Variants in TIGD6 observed in about 807,000 individuals in gnomAD.
The protein encoded by TIGD6 is tigger transposable element-derived protein 6.
Under a neutral mutation model 2.6 loss-of-function variants are expected in TIGD6, and 1 was observed. The ratio of observed to expected loss-of-function variants is 0.39; its 90% confidence interval spans 0.14 to 1.85. The LOEUF (loss-of-function observed/expected upper bound fraction) is 1.85, where lower values mean the gene tolerates loss of function less well. Among genes scored for constraint, TIGD6 ranks in the 40% most tolerant of loss-of-function variants. TIGD6 has a pLI of 0.32. For missense variants in TIGD6, 601 were observed against 634.2 expected, an observed-to-expected ratio of 0.95 and a Z score of 0.56; for synonymous variants, 193 against 221.9, an observed-to-expected ratio of 0.87 and a Z score of 1.16.
intron 1 of TIGD6, among the ~76,000 whole-genome samples, chr5:149,997,419 T>C (rs1297229062): frequency 6.6e-6 from 1 of 151,796 alleles, no homozygotes; most frequent in African/African-American, 2.4e-5. Context: ...GTGCCTGTAA[T>C]CCCAGCTACT....
chr5:149,996,897 T>C (rs959605344), intron 1 of TIGD6, among the ~76,000 whole-genome samples: 5 of 152,220 alleles, frequency 3.3e-5, no homozygotes, highest in Non-Finnish European at 7.3e-5. Flanking sequence ...CAAAGTGAGA[T>C]CTTCAAAGCT....
rs1755389849 is a variant in TIGD6, at chr5:149,996,340, G to A, written c.9C>T (p.Asn3=). The A allele has an allele frequency of 6.2e-7, 1 of 1,603,048 alleles. No individual in the cohort carries two copies. Among genetic ancestry groups the A allele is most frequent in the African/African-American group, 1.3e-5 (1 of 74,438 alleles). MA[N]KGNKKRRQFS... Reference sequence around the variant, plus strand: ...ACTGCCGACGCTTCTTGTTCCCCTTGTTTGCCATTTCCAGGGAATGAGGGC... The same window carrying A: ...ACTGCCGACGCTTCTTGTTCCCCTTATTTGCCATTTCCAGGGAATGAGGGC... The change falls in exon 2 of 2, where the codon AAC becomes AAT. Residue 3 remains asparagine (N), a synonymous_variant. Transcript: ENST00000296736.
chr5:149,995,156 A>T lies in TIGD6; in HGVS notation c.1193T>A (p.Ile398Asn), dbSNP rs749000699. Residue 398 changes from isoleucine to asparagine, a missense_variant, in exon 2 of 2, where the codon ATT (isoleucine) becomes AAT (asparagine). Ile to Asn is a moderately radical substitution (Grantham distance 149). Transcript: ENST00000296736. ...ESAASEPDIA[I>N]EKLWHTVAIA... is the part of the protein sequence containing the mutation. ...AGCCACTGTGTGCCACAACTTTTCA[A>T]TGGCAATGTCTGGTTCACTGGCTGC... 6.2e-7 allele frequency: 1 copy of T among 1,614,234 alleles called. No individual in the cohort carries two copies. The highest frequency in any genetic ancestry group is 8.5e-7 in the Non-Finnish European group (1 of 1,180,042).
At position 149,996,084 on chromosome 5, in the gene TIGD6, T is replaced by G; in HGVS notation, c.265A>C (p.Ile89Leu). 3.7e-6 allele frequency: 6 copies of G among 1,614,046 alleles called. No homozygotes were observed. The highest frequency in any genetic ancestry group is 5.1e-6 in the Non-Finnish European group (6 of 1,180,030). The change falls in exon 2 of 2, where the codon ATC becomes CTC. Residue 89 changes from isoleucine (I) to leucine (L), a missense_variant. Transcript: ENST00000296736. ...GTCACAAGAATGTTTTTGGCATGGATTTCTTGAAACCAAGCAAAAACAGCC... is the reference window on the plus strand; with the variant it reads ...GTCACAAGAATGTTTTTGGCATGGAGTTCTTGAAACCAAGCAAAAACAGCC... ...DKAVFAWFQE[I>L]HAKNILVTGS...
Position 149,996,735 on chromosome 5 carries a change from T to C in TIGD6, c.-81-306A>G, listed in dbSNP as rs57043295. On this transcript the variant is annotated intron_variant, in intron 1 of 1. Coordinates refer to ENST00000296736, the MANE Select transcript of TIGD6 (RefSeq NM_030953.4). The stretch of plus-strand genomic sequence containing the variant: ...CAGTGAAAGAGCTTGGCAAATAGCA[T>C]TGCACTGTATACATTCCGAGTTATT... 2.6e-3 allele frequency among the ~76,000 whole-genome samples: 390 copies of C among 152,368 alleles called. 1 individual carries two copies. The highest frequency in any genetic ancestry group is 8.7e-3 in the African/African-American group (363 of 41,594).
At position 149,996,837 on chromosome 5, in the gene TIGD6, T is replaced by G. The variant is rs61056865; in HGVS notation, c.-81-408A>C. The stretch of plus-strand genomic sequence containing the variant: ...CCGGGTTCATGCAGCTTAGATTTCT[T>G]AACTCAGATTACTATTTCTGCCAGG... On this transcript the variant is annotated intron_variant, in intron 1 of 1. Transcript: ENST00000296736. Among the ~76,000 whole-genome samples the G allele has an allele frequency of 2.2e-3, 334 of 152,360 alleles. 1 individual carries two copies. Among genetic ancestry groups the G allele is most frequent in the African/African-American group, 7.8e-3 (323 of 41,574 alleles).
rs1755306415 is a variant in TIGD6 at position 149,993,431 on chromosome 5, A to G, written c.*1352T>C. On this transcript the variant is annotated 3_prime_UTR_variant, in exon 2 of 2. Coordinates refer to ENST00000296736, the MANE Select transcript of TIGD6 (RefSeq NM_030953.4). ...GACATTTATCTGACTTATTAGGAAT[A>G]AATACTCTCTAATGAACTCTCTAAT... 1 of 152,240 alleles carries G rather than the reference A, an allele frequency of 6.6e-6. No individual in the cohort carries two copies. Among genetic ancestry groups the G allele is most frequent in the Non-Finnish European group, 1.5e-5 (1 of 68,054 alleles). The allele number at this position is 152,240 out of a possible 1,614,324, so 9.4% of individuals were successfully genotyped here.
intron 1 of TIGD6, among the ~76,000 whole-genome samples, chr5:149,997,390 T>C (rs530337115): frequency 1.3e-5 from 2 of 151,686 alleles, no homozygotes; most frequent in Admixed American, 6.6e-5. Flanking sequence ...ATACAAAAAT[T>C]AGCCGGGCGT....
Position 149,995,549 on chromosome 5 carries a change from T to A in TIGD6, c.800A>T (p.Gln267Leu), listed in dbSNP as rs779534774. The A allele has an allele frequency of 6.2e-7, 1 of 1,614,252 alleles. No individual in the cohort carries two copies. The change falls in exon 2 of 2, where the codon CAA becomes CTA. Residue 267 changes from glutamine to leucine, a missense_variant. By Grantham distance (113) the Gln-to-Leu change is moderately radical. Transcript: ENST00000296736. ...TRDLFNEWLM[Q>L]VDARMKRAER... ...CGCCCTCTTCATCCTGGCATCCACT[T>A]GCATCAGCCACTCATTAAACAGATC...
At chr5:149,997,406 C>T (rs981395774) in intron 1 of TIGD6, among the ~76,000 whole-genome samples, 3 of 151,966 alleles carry the variant, frequency 2.0e-5, no homozygotes, top group South Asian at 2.1e-4. Context: ...GGCGTGGTGG[C>T]GGGTGCCTGT....
rs1437493959 is a variant in TIGD6, at chr5:149,999,706, G to A, written c.-82+768C>T. Reference sequence around the variant, plus strand: ...ATATTGCTTACTTGTGGCAGGGCTGGGATTCAAACCCAGGAGGCTCACAAC... The same window carrying A: ...ATATTGCTTACTTGTGGCAGGGCTGAGATTCAAACCCAGGAGGCTCACAAC... On this transcript the variant is annotated intron_variant, in intron 1 of 1. Transcript: ENST00000296736. 2.0e-5 allele frequency: 3 copies of A among 152,204 alleles called. No homozygotes were observed. In the East Asian group the frequency reaches 5.8e-4, roughly 29 times the overall value. 9.4% of individuals were successfully genotyped at this position (152,204 alleles called of 1,614,324 possible). A position where few individuals can be genotyped will look rare whatever the true frequency, so the allele number is the denominator to read the frequency against.
Position 149,994,862 on chromosome 5 carries a change from CCATTT to C in TIGD6, c.1482_1486del (p.Asn495HisfsTer3). On this transcript the variant is annotated frameshift_variant, in exon 2 of 2. Coordinates refer to ENST00000296736, the MANE Select transcript of TIGD6 (RefSeq NM_030953.4). LOFTEE classifies it high-confidence loss of function. ...TCTTTTCATTAAATATTCATCTATG[CCATTT>C]AATTGTCCAAAAATGGCATCAGGAA... 1 of 1,603,332 alleles carries C rather than the reference CCATTT, an allele frequency of 6.2e-7. No individual in the cohort carries two copies. Among genetic ancestry groups the C allele is most frequent in the Non-Finnish European group, 8.5e-7 (1 of 1,173,270 alleles).
intron 1 of TIGD6, among the ~76,000 whole-genome samples, 188 bp from the exon 2 acceptor site, chr5:149,996,617 C>T (rs1439630315): frequency 6.6e-6 from 1 of 152,226 alleles, no homozygotes; most frequent in Non-Finnish European, 1.5e-5. Context: ...CAGAAGTGAT[C>T]TTATCTAGCT....
rs766969974 is a variant in TIGD6, at chr5:149,993,819, T to C, written c.*964A>G. The stretch of plus-strand genomic sequence containing the variant: ...CAGTAGTCCCATCTATTTGGGAGGA[T>C]GGCTTGAGGCCAGGAGTTAGAGAGA... On this transcript the variant is annotated 3_prime_UTR_variant, in exon 2 of 2. Transcript: ENST00000296736. The C allele has an allele frequency of 6.6e-6, 1 of 152,296 alleles. No homozygotes were observed. The highest frequency in any genetic ancestry group is 2.4e-5 in the African/African-American group (1 of 41,464). 9.4% of individuals were successfully genotyped at this position (152,296 alleles called of 1,614,324 possible).
At chr5:149,998,340 T>C (rs1755447253) in intron 1 of TIGD6, among the ~76,000 whole-genome samples, 1 of 152,128 alleles carries the variant, frequency 6.6e-6, no homozygotes, top group African/African-American at 2.4e-5. Context: ...ATTTTCTTTT[T>C]TTCCTTTTTT....
intron 1 of TIGD6, among the ~76,000 whole-genome samples, chr5:149,998,328 C>T (rs775229208): frequency 1.1e-4 from 16 of 151,902 alleles, no homozygotes; most frequent in Non-Finnish European, 2.2e-4. Flanking sequence ...CTCTCTGGGC[C>T]TATTTTCTTT....
Position 149,995,524 on chromosome 5 carries a change from C to T in TIGD6, c.825G>A (p.Ala275=), listed in dbSNP as rs755781496. 5.0e-5 allele frequency: 80 copies of T among 1,614,218 alleles called. No individual in the cohort carries two copies. Among genetic ancestry groups the T allele is most frequent in the Middle Eastern group, 3.3e-4 (2 of 6,058 alleles). Residue 275 remains alanine (A), a synonymous_variant, in exon 2 of 2, where the codon GCG becomes GCA. Coordinates refer to ENST00000296736, the MANE Select transcript of TIGD6 (RefSeq NM_030953.4). ...CTATGAGCAAGAGGATCCGGCGTTC[C>T]GCCCTCTTCATCCTGGCATCCACTT... ...LMQVDARMKR[A]ERRILLLIDN...
chr5:149,995,806 T>C lies in TIGD6; in HGVS notation c.543A>G (p.Thr181=). The C allele has an allele frequency of 6.2e-7, 1 of 1,614,246 alleles. No homozygotes were observed. ...GGGGAAGCAACTGGAAAAACACTCC[T>C]GTCTCATCAGCATTAAAGATATCAT... is the stretch of plus-strand genomic sequence containing the variant. ...SPDDIFNADE[T]GVFFQLLPQH... The change falls in exon 2 of 2, where the codon ACA becomes ACG. Residue 181 remains threonine, a synonymous_variant. Transcript: ENST00000296736.
Position 149,994,801 on chromosome 5 carries a change from A to C in TIGD6, c.1548T>G (p.Asp516Glu). The change falls in exon 2 of 2, where the codon GAT (aspartate) becomes GAG (glutamate). Residue 516 changes from aspartate (D) to glutamate (E), a missense_variant. By Grantham distance (45) the Asp-to-Glu change is conservative. Coordinates refer to ENST00000296736, the MANE Select transcript of TIGD6 (RefSeq NM_030953.4). ...TCCTGCATTATTTTGTTTGGAGGAA[A>C]TCTGTAATTTTGGAATCAATAAGGG... is the stretch of plus-strand genomic sequence containing the variant. ...TQTLIDSKITDFLQTK is the reference protein window; with the variant it reads ...TQTLIDSKITEFLQTK 3 of 1,523,216 alleles carry C rather than the reference A, an allele frequency of 2.0e-6. No homozygotes were observed. Among genetic ancestry groups the C allele is most frequent in the Non-Finnish European group, 2.6e-6 (3 of 1,136,118 alleles). The allele number at this position is 1,523,216 out of a possible 1,614,324, so 94.4% of individuals were successfully genotyped here.
Sources: allele counts gnomAD v4.1 joint callset (sites outside exome capture counted in the v4.1 genomes callset), GRCh38; gene constraint gnomAD v4.1.1; transcripts MANE v1.5; gene names NCBI Gene and HGNC (gene_info 2026-07-23, HGNC 2026-07-21).